ULK4: variants seen among roughly 807,000 people sequenced by gnomAD.
The protein encoded by ULK4 is inactive serine/threonine-protein kinase ULK4.
ULK4 carries 133 observed loss-of-function variants against 160.6 expected under a neutral mutation model. That is an observed-to-expected ratio of 0.83 (90% CI 0.72 to 0.96). ULK4 has a LOEUF of 0.96. ULK4 is among the 40% of genes least tolerant of loss of function. ULK4 has a pLI of 0.00. For missense variants in ULK4, 1,580 were observed against 1,499.5 expected (o/e 1.05, Z -0.89); for synonymous variants, 534 against 539.8 (o/e 0.99, Z 0.15).
chr3:41,688,786 G>A (rs1171787957), intron 27 of ULK4, among the ~76,000 whole-genome samples: 3 of 152,256 alleles, frequency 2.0e-5, no homozygotes, highest in Non-Finnish European at 2.9e-5. Context: ...CCAACTCTGA[G>A]TTTCTACCTC....
chr3:41,582,243 C>T (rs1559412053), intron 31 of ULK4, among the ~76,000 whole-genome samples: 1 of 152,108 alleles, frequency 6.6e-6, no homozygotes, highest in East Asian at 1.9e-4. Flanking sequence ...TAAGATGTGT[C>T]TTTCGCCTTC....
At chr3:41,912,947 T>TG (rs1559646024) in intron 8 of ULK4, 48 bp from the exon 9 acceptor site, 1 of 1,583,430 alleles carries the variant, frequency 6.3e-7, no homozygotes, top group Non-Finnish European at 8.6e-7. Context: ...TGATTTACCA[T>TG]GAAAAATTCC....
chr3:41,817,854 A>G (rs1372169389), intron 19 of ULK4, among the ~76,000 whole-genome samples: 3 of 152,192 alleles, frequency 2.0e-5, no homozygotes, highest in African/African-American at 7.2e-5. Flanking sequence ...TTGAAAATGG[A>G]CAAAAGATCT....
At chr3:41,902,194 A>T (rs1698394910) in intron 12 of ULK4, among the ~76,000 whole-genome samples, 1 of 152,244 alleles carries the variant, frequency 6.6e-6, no homozygotes, top group African/African-American at 2.4e-5. Context: ...AAACTGAGTG[A>T]GGAAGGGGCA....
At chr3:41,523,578 T>C (rs905655066) in intron 32 of ULK4, among the ~76,000 whole-genome samples, 15 of 152,140 alleles carry the variant, frequency 9.9e-5, no homozygotes, top group Non-Finnish European at 2.1e-4. Flanking sequence ...AAAAACCACA[T>C]GAGACATTAC....
intron 32 of ULK4, among the ~76,000 whole-genome samples, chr3:41,466,236 A>C (rs1419866876): frequency 2.6e-5 from 4 of 152,158 alleles, no homozygotes; most frequent in Non-Finnish European, 4.4e-5. Context: ...TTCAATGAGA[A>C]TGTGTACTTA....
At chr3:41,394,577 T>C (rs1487404796) in intron 35 of ULK4, among the ~76,000 whole-genome samples, 2 of 152,094 alleles carry the variant, frequency 1.3e-5, no homozygotes, top group African/African-American at 2.4e-5. Context: ...GAAGATCATA[T>C]TGGAAGTGAA....
chr3:41,883,007 T>C (rs1311296123), intron 17 of ULK4, among the ~76,000 whole-genome samples: 5 of 152,148 alleles, frequency 3.3e-5, no homozygotes, highest in Admixed American at 2.6e-4. Flanking sequence ...AGGAAAAATT[T>C]AGACTTTGTG....
chr3:41,488,756 A>C (rs996597137), intron 32 of ULK4, among the ~76,000 whole-genome samples: 1 of 152,180 alleles, frequency 6.6e-6, no homozygotes, highest in Non-Finnish European at 1.5e-5. Context: ...AGAAAGTTTC[A>C]AGTGTCTTAG....
chr3:41,769,716 A>T (rs1378434436), intron 21 of ULK4, among the ~76,000 whole-genome samples: 1 of 152,234 alleles, frequency 6.6e-6, no homozygotes, highest in Non-Finnish European at 1.5e-5. Context: ...CTTCCACCAC[A>T]ACCAAAAATA....
intron 34 of ULK4, among the ~76,000 whole-genome samples, chr3:41,442,110 GC>G (rs1575224012): frequency 1.3e-5 from 2 of 152,020 alleles, no homozygotes. Flanking sequence ...TTGCTTTCTT[GC>G]CCCCAAAATG....
intron 27 of ULK4, among the ~76,000 whole-genome samples, chr3:41,701,792 G>A (rs539866023): frequency 6.6e-6 from 1 of 152,250 alleles, no homozygotes; most frequent in South Asian, 2.1e-4. Flanking sequence ...GGACTAAGTG[G>A]AGTTAAGCAG....
At chr3:41,379,428 A>G (rs188051298) in intron 35 of ULK4, among the ~76,000 whole-genome samples, 23 of 152,338 alleles carry the variant, frequency 1.5e-4, no homozygotes, top group African/African-American at 5.5e-4. Context: ...TCAAGATGCC[A>G]TGAGAAATAA....
intron 31 of ULK4, among the ~76,000 whole-genome samples, chr3:41,610,321 T>A (rs1438377328): frequency 6.6e-6 from 1 of 152,180 alleles, no homozygotes; most frequent in African/African-American, 2.4e-5. Flanking sequence ...ATACATTTTT[T>A]AAATCTTATT....
intron 14 of ULK4, among the ~76,000 whole-genome samples, chr3:41,897,266 C>T (rs547075066): frequency 6.6e-6 from 1 of 152,250 alleles, no homozygotes; most frequent in East Asian, 1.9e-4. Context: ...GCAGAACTGT[C>T]CCACAACCTA....
At chr3:41,957,466 AT>A (rs1700522301) in intron 1 of ULK4, among the ~76,000 whole-genome samples, 12 of 151,268 alleles carry the variant, frequency 7.9e-5, no homozygotes, top group Middle Eastern at 3.4e-3. Flanking sequence ...AAAAAAAAAA[AT>A]CAATCTTTCA....
At chr3:41,712,770 T>C (rs2037143379) in intron 25 of ULK4, among the ~76,000 whole-genome samples, 1 of 152,274 alleles carries the variant, frequency 6.6e-6, no homozygotes, top group South Asian at 2.1e-4. Flanking sequence ...CACACACCTA[T>C]AGTTCCAGCT....
intron 32 of ULK4, among the ~76,000 whole-genome samples, chr3:41,517,490 C>T (rs71331190): frequency 0.072 from 10,947 of 152,182 alleles, 548 homozygotes; most frequent in Admixed American, 0.13. Flanking sequence ...GAGAGCAGCC[C>T]TCACCAGATA....
chr3:41,684,710 T>C (rs1241594088), intron 27 of ULK4, among the ~76,000 whole-genome samples: 1 of 152,226 alleles, frequency 6.6e-6, no homozygotes, highest in Non-Finnish European at 1.5e-5. Flanking sequence ...ATGCCTCCTC[T>C]ACCCCCTCTC....
Sources: allele counts gnomAD v4.1 joint callset (sites outside exome capture counted in the v4.1 genomes callset), GRCh38; gene constraint gnomAD v4.1.1; transcripts MANE v1.5; gene names NCBI Gene and HGNC (gene_info 2026-07-23, HGNC 2026-07-21).